The following IFT70B variants were observed in gnomAD, a reference collection of about 807,000 sequenced individuals.
IFT70B encodes the protein intraflagellar transport protein 70B.
At chr2:177,549,403 T>TA in the IFT70B span, 1 of 152,236 alleles carries the variant, frequency 6.6e-6, no homozygotes, top group African/African-American at 2.4e-5. Context: ...TATCAGTACT[T>TA]ATGTGGCTAA....
the IFT70B span, chr2:177,552,091 G>C: frequency 6.2e-7 from 1 of 1,614,096 alleles, no homozygotes; most frequent in African/African-American, 1.3e-5. Context: ...CCCACACCTA[G>C]CTCAGGGTGC....
the IFT70B span, chr2:177,552,231 A>T: frequency 6.2e-7 from 1 of 1,614,216 alleles, no homozygotes; most frequent in Non-Finnish European, 8.5e-7. Flanking sequence ...CAGGGCGGCA[A>T]AAAACTTGGA....
the IFT70B span, chr2:177,550,829 T>A: frequency 6.2e-7 from 1 of 1,614,046 alleles, no homozygotes; most frequent in Non-Finnish European, 8.5e-7. Flanking sequence ...CATATGTGAC[T>A]GTATTCTTTC....
At chr2:177,550,657 T>A in the IFT70B span, 1 of 998,304 alleles carries the variant, frequency 1.0e-6, no homozygotes, top group Non-Finnish European at 1.4e-6. Flanking sequence ...TTATAATGCA[T>A]AAGTGTACAA....
chr2:177,550,638 C>CTTT, the IFT70B span: 2 of 695,298 alleles, frequency 2.9e-6, no homozygotes, highest in East Asian at 3.7e-5. Context: ...GTTTTAGCTA[C>CTTT]TTTTTTTTTT....
the IFT70B span, chr2:177,552,257 C>G: frequency 1.2e-6 from 2 of 1,614,266 alleles, no homozygotes; most frequent in East Asian, 4.5e-5. Flanking sequence ...CAGCTTCATA[C>G]TGTCCCTCCT....
chr2:177,550,808 C>A, the IFT70B span: 1 of 1,610,820 alleles, frequency 6.2e-7, no homozygotes, highest in South Asian at 1.1e-5. Context: ...AAGCTTTTAA[C>A]TGCCTAGACT....
At chr2:177,552,512 G>A in the IFT70B span, 1 of 1,602,774 alleles carries the variant, frequency 6.2e-7, no homozygotes, top group Non-Finnish European at 8.5e-7. Context: ...CCTGGGCCTG[G>A]TACAGGCGGT....
the IFT70B span, chr2:177,550,336 A>T: frequency 1.3e-5 from 2 of 153,814 alleles, no homozygotes; most frequent in Non-Finnish European, 2.9e-5. Context: ...TATAAAAAGT[A>T]TGCATTACAA....
the IFT70B span, chr2:177,552,594 C>T: frequency 6.3e-7 from 1 of 1,595,638 alleles, no homozygotes; most frequent in Non-Finnish European, 8.5e-7. Flanking sequence ...CTCCTGCAGG[C>T]GGTAGTAGCA....
the IFT70B span, chr2:177,552,492 T>C: frequency 6.2e-7 from 1 of 1,609,766 alleles, no homozygotes; most frequent in East Asian, 2.2e-5. Flanking sequence ...AAGGCAGGCC[T>C]TGTACAGGGC....
the IFT70B span, chr2:177,550,765 A>C: frequency 2.5e-5 from 40 of 1,586,436 alleles, no homozygotes; most frequent in Non-Finnish European, 3.2e-5. Context: ...ATCAGCTATT[A>C]CTATATATTC....
chr2:177,551,525 C>G, the IFT70B span: 1 of 1,614,152 alleles, frequency 6.2e-7, no homozygotes, highest in African/African-American at 1.3e-5. Context: ...CATATTCATT[C>G]ACTGCCTTTT....
At chr2:177,552,224 G>T in the IFT70B span, 28 of 1,614,082 alleles carry the variant, frequency 1.7e-5, no homozygotes, top group African/African-American at 6.7e-5. Context: ...AGGCCTGCAG[G>T]GCGGCAAAAA....
chr2:177,552,392 G>A, the IFT70B span: 38 of 1,613,828 alleles, frequency 2.4e-5, no homozygotes, highest in South Asian at 3.0e-4. Context: ...CGCCCTCGCT[G>A]TACTTGATAG....
chr2:177,550,543 A>G, the IFT70B span: 1 of 425,442 alleles, frequency 2.4e-6, no homozygotes, highest in East Asian at 4.2e-5. Context: ...TGATATAAAC[A>G]TTCCTCATAA....
the IFT70B span, chr2:177,552,167 G>T: frequency 1.9e-6 from 3 of 1,614,244 alleles, no homozygotes; most frequent in Non-Finnish European, 8.5e-7. Flanking sequence ...GTCGGCTGCT[G>T]TAATAGGCCA....
At chr2:177,551,142 T>C in the IFT70B span, 4 of 1,614,010 alleles carry the variant, frequency 2.5e-6, no homozygotes, top group Non-Finnish European at 3.4e-6. Flanking sequence ...GCAGAGATGG[T>C]ACATTTTCTT....
chr2:177,551,021 G>A, the IFT70B span: 63 of 1,614,170 alleles, frequency 3.9e-5, no homozygotes, highest in African/African-American at 5.9e-4. Context: ...AATACCAGGT[G>A]TCTGTTCCCA....
Sources: allele counts gnomAD v4.1 joint callset, GRCh38; gene constraint gnomAD v4.1.1; transcripts MANE v1.5; gene names NCBI Gene and HGNC (gene_info 2026-07-23, HGNC 2026-07-21).